Variants in CRNKL1 observed in about 807,000 individuals in gnomAD.
CRNKL1 encodes the protein crooked neck-like protein 1.
In CRNKL1, 35 loss-of-function variants were observed where a neutral mutation model predicts 103.7. That is an observed-to-expected ratio of 0.34 (90% CI 0.26 to 0.45). CRNKL1 has a LOEUF of 0.45. CRNKL1 is among the 20% of genes least tolerant of loss of function. The pLI, the probability that CRNKL1 is intolerant of heterozygous loss-of-function variation, is 1.00. For missense variants in CRNKL1, 645 were observed against 836.0 expected (o/e 0.77, Z 2.82); for synonymous variants, 267 against 282.6 (o/e 0.94, Z 0.55).
Position 20,042,308 on chromosome 20 carries a change from T to C in CRNKL1, c.1164+17A>G. 1 of 1,574,604 alleles carries C rather than the reference T, an allele frequency of 6.4e-7. No homozygotes were observed. Among genetic ancestry groups the C allele is most frequent in the South Asian group, 1.2e-5 (1 of 84,906 alleles). ...CAGGAAACCATTATCAGCTGACACATAATTCTGTTTTTTCACCTTTGCCTC... is the reference window on the plus strand; with the variant it reads ...CAGGAAACCATTATCAGCTGACACACAATTCTGTTTTTTCACCTTTGCCTC... On this transcript the variant is annotated intron_variant, in intron 8 of 13. Transcript: ENST00000536226.
In CRNKL1 at chr20:20,047,886, A is replaced by C; in HGVS notation, c.501T>G (p.Gly167=). ...TCCAGCGCTCAAACACCTGCCGGGC[A>C]CCGGCAACGTTTCCCAACATTTCCT... ...YMEEMLGNVA[G]ARQVFERWME... Residue 167 remains glycine (G), a synonymous_variant, in exon 5 of 14, where the codon GGT becomes GGG. Transcript: ENST00000536226. 1 of 1,614,268 alleles carries C rather than the reference A, an allele frequency of 6.2e-7. No individual in the cohort carries two copies.
At chr20:20,055,573 G>A (rs1431264314), upstream of CRNKL1, among the ~76,000 whole-genome samples, 4 of 151,952 alleles carry the variant, frequency 2.6e-5, no homozygotes, top group East Asian at 3.9e-4. Flanking sequence ...AATTTCCCTC[G>A]CTCGCTTTCT....
rs2043417666 is a variant in CRNKL1, at chr20:20,036,282, G to A, written c.1977C>T (p.Ala659=). ...GCTGTTTCTTCCACAGTTTGGCCATGGCCAGGAGTTTGAGGTTAGGTTGGT... is the reference window on the plus strand; with the variant it reads ...GCTGTTTCTTCCACAGTTTGGCCATAGCCAGGAGTTTGAGGTTAGGTTGGT... ...AANQPNLKLL[A]MAKLWKKQQQ... Residue 659 remains alanine (A), a synonymous_variant, in exon 14 of 14, where the codon GCC becomes GCT. Transcript: ENST00000536226. 6.2e-7 allele frequency: 1 copy of A among 1,614,216 alleles called. No individual in the cohort carries two copies. Among genetic ancestry groups the A allele is most frequent in the African/African-American group, 1.3e-5 (1 of 75,066 alleles).
intron 12 of CRNKL1, 151 bp downstream of exon 12, chr20:20,038,198 C>T: frequency 1.7e-6 from 1 of 592,838 alleles, no homozygotes; most frequent in Non-Finnish European, 3.0e-6. Context: ...TTCCAAAGTC[C>T]TCTGAGACTC....
intron 8 of CRNKL1, among the ~76,000 whole-genome samples, chr20:20,041,868 GC>G (rs1185198997): frequency 6.6e-6 from 1 of 152,162 alleles, no homozygotes; most frequent in Non-Finnish European, 1.5e-5. Context: ...AAGCCGTTTT[GC>G]CTGATGGCAG....
chr20:20,041,457 T>C, intron 9 of CRNKL1, 109 bp downstream of exon 9: 1 of 867,300 alleles, frequency 1.2e-6, no homozygotes, highest in South Asian at 1.5e-5. Flanking sequence ...TTGTCCATGG[T>C]GGGACAGGGA....
chr20:20,052,640 G>C, upstream of CRNKL1: 1 of 1,613,404 alleles, frequency 6.2e-7, no homozygotes, highest in Non-Finnish European at 8.5e-7. Flanking sequence ...TGCGGTGCAG[G>C]GCGTCCAGGG....
At position 20,045,361 on chromosome 20, in the gene CRNKL1, T is replaced by C. The variant is rs772836006; in HGVS notation, c.748A>G (p.Met250Val). ...AAGGCAACATAAAGGTGCTCATCCATATGTTCATCTCCAAAGAATTCCACA... is the reference window on the plus strand; with the variant it reads ...AAGGCAACATAAAGGTGCTCATCCACATGTTCATCTCCAAAGAATTCCACA... ...RAVEFFGDEHMDEHLYVAFAK... is the reference protein window; with the variant it reads ...RAVEFFGDEHVDEHLYVAFAK... Residue 250 changes from methionine (M) to valine (V), a missense_variant, in exon 6 of 14, where the codon ATG (methionine) becomes GTG (valine). By Grantham distance (21) the Met-to-Val change is conservative (BLOSUM62 1). Coordinates refer to ENST00000536226, the MANE Select transcript of CRNKL1 (RefSeq NM_001278628.2). 4 of 1,613,844 alleles carry C rather than the reference T, an allele frequency of 2.5e-6. No individual in the cohort carries two copies. Among genetic ancestry groups the C allele is most frequent in the Non-Finnish European group, 3.4e-6 (4 of 1,179,944 alleles).
intron 12 of CRNKL1, 61 bp from the exon 13 acceptor site, chr20:20,037,632 TA>T: frequency 6.6e-7 from 1 of 1,523,360 alleles, no homozygotes; most frequent in Non-Finnish European, 8.9e-7. Context: ...AATAATGTAG[TA>T]ATAATAAAGC....
intron 6 of CRNKL1, among the ~76,000 whole-genome samples, chr20:20,044,927 G>A (rs918963794): frequency 3.3e-5 from 5 of 152,110 alleles, no homozygotes; most frequent in African/African-American, 1.2e-4. Context: ...TCTCTTATTT[G>A]TAGGGCAATC....
chr20:20,047,982 T>C (rs772925851), intron 4 of CRNKL1, 51 bp from the exon 5 acceptor site: 4 of 1,551,436 alleles, frequency 2.6e-6, no homozygotes, highest in South Asian at 2.3e-5. Context: ...TCTTCCATTG[T>C]TGAATGGGAA....
Position 20,043,649 on chromosome 20 carries a change from C to A in CRNKL1, c.815G>T (p.Arg272Leu). The A allele has an allele frequency of 6.2e-7, 1 of 1,613,028 alleles. No individual in the cohort carries two copies. Among genetic ancestry groups the A allele is most frequent in the Non-Finnish European group, 8.5e-7 (1 of 1,179,104 alleles). ...GTCCAGGGCATACTTGTAAATCACT[C>A]GTACCCTTTCAAACTAAATGCAGAC... ...EENQKEFERV[R>L]VIYKYALDRI... The change falls in exon 7 of 14, where the codon CGA (arginine) becomes CTA (leucine). Residue 272 changes from arginine (R) to leucine (L), a missense_variant. Arg to Leu is a moderately radical substitution (Grantham distance 102, BLOSUM62 -2). Around this residue, in one of 2 missense-constraint regions of CRNKL1, gnomAD observed 582 missense variants for 707.7 expected, o/e 0.82. Coordinates refer to ENST00000536226, the MANE Select transcript of CRNKL1 (RefSeq NM_001278628.2).
rs1229779384 is a variant in CRNKL1 at position 20,052,325 on chromosome 20, C to A, written c.18G>T (p.Ala6=). The A allele has an allele frequency of 1.2e-6, 2 of 1,612,724 alleles. No individual in the cohort carries two copies. The highest frequency in any genetic ancestry group is 1.7e-6 in the Non-Finnish European group (2 of 1,179,652). Residue 6 remains alanine (A), a synonymous_variant, in exon 1 of 14, where the codon GCG becomes GCT. Coordinates refer to ENST00000536226, the MANE Select transcript of CRNKL1 (RefSeq NM_001278628.2). The stretch of plus-strand genomic sequence containing the variant: ...CTTTGGGAATCCGCTGCTTCCCGGC[C>A]GCGGTGGAGGCCGCCATGTCTGCAG... MAAST[A]AGKQRIPKVA...
chr20:20,049,312 T>C (rs760366264), intron 3 of CRNKL1, 28 bp downstream of exon 3: 1 of 1,205,530 alleles, frequency 8.3e-7, no homozygotes. Context: ...AATCATTATA[T>C]ACAAAACTAC....
chr20:20,039,591 T>C lies in CRNKL1; in HGVS notation c.1545+18A>G. 6.2e-7 allele frequency: 1 copy of C among 1,611,820 alleles called. No homozygotes were observed. The highest frequency in any genetic ancestry group is 8.5e-7 in the Non-Finnish European group (1 of 1,178,626). On this transcript the variant is annotated intron_variant, in intron 11 of 13. Transcript: ENST00000536226. ...ACACGTATCTCAAACAAAATTATAT[T>C]TGACTTGAGATGCTCACCTCTGGCA...
At chr20:20,055,186 T>C (rs2146526414), upstream of CRNKL1, among the ~76,000 whole-genome samples, 1 of 152,350 alleles carries the variant, frequency 6.6e-6, no homozygotes, top group East Asian at 1.9e-4. Context: ...TCATGACTTT[T>C]GTTTCTCTTT....
At chr20:20,048,005 T>C (rs1219668803) in intron 4 of CRNKL1, 74 bp from the exon 5 acceptor site, 2 of 1,475,908 alleles carry the variant, frequency 1.4e-6, no homozygotes, top group African/African-American at 1.4e-5. Context: ...AGATTGAAGA[T>C]TTTACCTTTC....
Position 20,052,432 on chromosome 20 carries a change from AAAAC to A in CRNKL1, c.-94_-91del. The A allele has an allele frequency of 1.2e-6, 2 of 1,614,230 alleles. No homozygotes were observed. Among genetic ancestry groups the A allele is most frequent in the Non-Finnish European group, 1.7e-6 (2 of 1,180,050 alleles). ...CTCACCGAAACCACAAAGCTTTCAG[AAAAC>A]AAACAGGATCTCGGAACCGGAAGCG... On this transcript the variant is annotated 5_prime_UTR_variant, in exon 1 of 14. Coordinates refer to ENST00000536226, the MANE Select transcript of CRNKL1 (RefSeq NM_001278628.2).
chr20:20,048,423 T>C lies in CRNKL1; in HGVS notation c.375A>G (p.Glu125=), dbSNP rs1412634541. Residue 125 remains glutamate, a synonymous_variant, in exon 4 of 14, where the codon GAA becomes GAG. Coordinates refer to ENST00000536226, the MANE Select transcript of CRNKL1 (RefSeq NM_001278628.2). ...CATGGTTGACTTGGCGATTCTTCAT[T>C]TCCATTTCTGCGTATTTCAGCCAGA... The part of the protein sequence containing the change: ...ITLWLKYAEM[E]MKNRQVNHAR... 6.2e-7 allele frequency: 1 copy of C among 1,614,108 alleles called. No homozygotes were observed. Among genetic ancestry groups the C allele is most frequent in the Non-Finnish European group, 8.5e-7 (1 of 1,180,052 alleles).
Sources: allele counts gnomAD v4.1 joint callset (sites outside exome capture counted in the v4.1 genomes callset), GRCh38; gene constraint gnomAD v4.1.1; regional missense constraint gnomAD v4.1.1; transcripts MANE v1.5; gene names NCBI Gene and HGNC (gene_info 2026-07-23, HGNC 2026-07-21).